The following RUNX1 variants were observed in gnomAD, a reference collection of about 807,000 sequenced individuals.
The protein encoded by RUNX1 is RUNX family transcription factor 1, also known as runt-related transcription factor 1.
Under a neutral mutation model 42.8 loss-of-function variants are expected in RUNX1, and 19 were observed. The ratio of observed to expected loss-of-function variants is 0.44; its 90% confidence interval spans 0.31 to 0.65. RUNX1 has a LOEUF of 0.65. Ranked by LOEUF, RUNX1 falls within the 30% of genes least tolerant of loss-of-function variation. The pLI, the probability that RUNX1 is intolerant of heterozygous loss-of-function variation, is 0.07. For synonymous variants in RUNX1, 271 were observed against 289.4 expected (o/e 0.94, Z 0.64); for missense variants, 528 against 672.0 (o/e 0.79, Z 2.37).
intron 3 of RUNX1, among the ~76,000 whole-genome samples, chr21:34,890,249 C>T (rs972129386): frequency 3.9e-5 from 6 of 151,932 alleles, no homozygotes; most frequent in Non-Finnish European, 5.9e-5. Flanking sequence ...CGCGCAGTCC[C>T]CGGAGCTCCC....
chr21:34,899,437 C>T (rs1601548490), intron 2 of RUNX1, among the ~76,000 whole-genome samples: 2 of 152,152 alleles, frequency 1.3e-5, no homozygotes, highest in South Asian at 4.1e-4. Context: ...TCCCTCCCTC[C>T]CTCCACCGAA....
chr21:35,022,113 C>T (rs557720587), intron 2 of RUNX1, among the ~76,000 whole-genome samples: 47 of 152,338 alleles, frequency 3.1e-4, no homozygotes, highest in Non-Finnish European at 4.3e-4. Flanking sequence ...AGACTGAACA[C>T]GGGCTAACAT....
At chr21:34,839,345 A>T (rs2057196719) in intron 6 of RUNX1, among the ~76,000 whole-genome samples, 1 of 148,276 alleles carries the variant, frequency 6.7e-6, no homozygotes, top group South Asian at 2.1e-4. Context: ...GAAATTCAAC[A>T]CTCACCGACA....
At chr21:34,989,977 A>G (rs1486479770) in intron 2 of RUNX1, among the ~76,000 whole-genome samples, 1 of 152,174 alleles carries the variant, frequency 6.6e-6, no homozygotes, top group Non-Finnish European at 1.5e-5. Flanking sequence ...CACAGGGTGG[A>G]AGGAGGATGA....
At chr21:34,886,441 T>A (rs1434914097) in intron 4 of RUNX1, among the ~76,000 whole-genome samples, 1 of 152,258 alleles carries the variant, frequency 6.6e-6, no homozygotes, top group Non-Finnish European at 1.5e-5. Flanking sequence ...TCCTTTCATC[T>A]GAGGAAGACA....
At chr21:34,829,480 C>T (rs1039886833) in intron 7 of RUNX1, among the ~76,000 whole-genome samples, 9 of 152,138 alleles carry the variant, frequency 5.9e-5, no homozygotes, top group African/African-American at 4.8e-5. Flanking sequence ...TTTATTTATT[C>T]CTGTGAACAC....
chr21:34,945,480 A>C (rs1268646274), intron 2 of RUNX1, among the ~76,000 whole-genome samples: 1 of 151,902 alleles, frequency 6.6e-6, no homozygotes, highest in African/African-American at 2.4e-5. Context: ...CCAAATTCTC[A>C]CTATCTTCCA....
intron 2 of RUNX1, among the ~76,000 whole-genome samples, chr21:34,912,893 G>C (rs1003577680): frequency 2.0e-5 from 3 of 152,200 alleles, no homozygotes; most frequent in Non-Finnish European, 2.9e-5. Flanking sequence ...GGTGGGGCTG[G>C]GGGGCCTTCA....
chr21:34,866,408 G>A (rs577791612), intron 5 of RUNX1, among the ~76,000 whole-genome samples: 7 of 152,348 alleles, frequency 4.6e-5, no homozygotes, highest in African/African-American at 1.7e-4. Context: ...CTGAAAGGTT[G>A]CAGGGAGATT....
chr21:34,845,649 C>T (rs2057304259), intron 6 of RUNX1, among the ~76,000 whole-genome samples: 1 of 152,294 alleles, frequency 6.6e-6, no homozygotes, highest in African/African-American at 2.4e-5. Flanking sequence ...CATAAACTGC[C>T]GCAGATTACC....
At chr21:34,947,861 G>C (rs2058576129) in intron 2 of RUNX1, among the ~76,000 whole-genome samples, 1 of 152,230 alleles carries the variant, frequency 6.6e-6, no homozygotes, top group South Asian at 2.1e-4. Context: ...GGACAACGTG[G>C]GATGTTGCTA....
intron 2 of RUNX1, among the ~76,000 whole-genome samples, chr21:34,987,386 A>T (rs1391055274): frequency 6.6e-6 from 1 of 152,200 alleles, no homozygotes; most frequent in Admixed American, 6.5e-5. Context: ...GGGGCTCCAG[A>T]CAGCGGTGAA....
At chr21:34,937,830 C>T (rs1219689223) in intron 2 of RUNX1, among the ~76,000 whole-genome samples, 1 of 152,158 alleles carries the variant, frequency 6.6e-6, no homozygotes, top group African/African-American at 2.4e-5. Context: ...CAGAAAATGC[C>T]AGGCAAGGTT....
At chr21:34,967,036 T>C (rs1253130158) in intron 2 of RUNX1, among the ~76,000 whole-genome samples, 1 of 151,982 alleles carries the variant, frequency 6.6e-6, no homozygotes, top group Non-Finnish European at 1.5e-5. Flanking sequence ...GAAAACACAT[T>C]CACAAACGTG....
intron 2 of RUNX1, among the ~76,000 whole-genome samples, chr21:35,020,244 A>G (rs1212574070): frequency 5.3e-5 from 8 of 152,038 alleles, no homozygotes; most frequent in Non-Finnish European, 8.8e-5. Flanking sequence ...TACTTTCCAG[A>G]GGACCTGGTA....
intron 5 of RUNX1, among the ~76,000 whole-genome samples, chr21:34,879,067 G>C (rs745537753): frequency 2.0e-5 from 3 of 152,200 alleles, no homozygotes; most frequent in Non-Finnish European, 4.4e-5. Flanking sequence ...GATGGGCATG[G>C]ACCAGGCTGT....
chr21:34,860,509 ATT>A (rs2057557819), intron 5 of RUNX1, among the ~76,000 whole-genome samples: 1 of 148,358 alleles, frequency 6.7e-6, no homozygotes, highest in Non-Finnish European at 1.5e-5. Context: ...GGCACACGGT[ATT>A]CAACAGGGTG....
At chr21:34,951,215 A>G (rs1271074325) in intron 2 of RUNX1, among the ~76,000 whole-genome samples, 1 of 152,258 alleles carries the variant, frequency 6.6e-6, no homozygotes, top group East Asian at 1.9e-4. Flanking sequence ...AAAGTCGGCG[A>G]GAGGTGGAAT....
At chr21:34,873,465 T>C (rs1363543500) in intron 5 of RUNX1, among the ~76,000 whole-genome samples, 2 of 152,220 alleles carry the variant, frequency 1.3e-5, no homozygotes, top group South Asian at 2.1e-4. Flanking sequence ...TTAATCTAAG[T>C]TGAGAAATAA....
Sources: gnomAD v4.1 joint callset for allele counts (sites outside exome capture counted in the v4.1 genomes callset) on GRCh38, gnomAD v4.1.1 for gene constraint, MANE v1.5 for transcripts, NCBI Gene and HGNC (gene_info 2026-07-23, HGNC 2026-07-21) for gene names.